Variants in CYB5R4 observed in about 807,000 individuals in gnomAD.
CYB5R4 encodes N-terminal cytochrome b5 and cytochrome b5 oxidoreductase domain-containing protein.
CYB5R4 carries 55 observed loss-of-function variants against 70.2 expected under a neutral mutation model. The observed-to-expected ratio is 0.78, with a 90% CI of 0.63 to 0.98. The LOEUF is 0.98. Among genes scored for constraint, CYB5R4 ranks in the 50% least tolerant of loss-of-function variants. CYB5R4 has a pLI of 0.00. For synonymous variants in CYB5R4, 197 were observed against 199.5 expected, an observed-to-expected ratio of 0.99 and a Z score of 0.11; for missense variants, 562 against 612.6, an observed-to-expected ratio of 0.92 and a Z score of 0.87.
chr6:83,951,212 C>T (rs888025467), intron 14 of CYB5R4, among the ~76,000 whole-genome samples: 1 of 152,168 alleles, frequency 6.6e-6, no homozygotes, highest in African/African-American at 2.4e-5. Flanking sequence ...TGTTATTTGA[C>T]ATAGTGACTA....
At chr6:83,883,832 G>A (rs1014249488) in intron 2 of CYB5R4, among the ~76,000 whole-genome samples, 29 of 152,258 alleles carry the variant, frequency 1.9e-4, no homozygotes, top group African/African-American at 7.0e-4. Flanking sequence ...AAGGATAGGA[G>A]TTAGAGAGCA....
intron 2 of CYB5R4, 102 bp from the exon 3 acceptor site, chr6:83,893,420 A>G (rs2099461433): frequency 3.0e-6 from 2 of 663,680 alleles, no homozygotes; most frequent in African/African-American, 3.7e-5. Context: ...GTGATTAATT[A>G]AATGGAATGT....
chr6:83,940,058 G>T lies in CYB5R4; in HGVS notation c.1111G>T (p.Asp371Tyr). 4 of 1,547,906 alleles carry T rather than the reference G, an allele frequency of 2.6e-6. No homozygotes were observed. The highest frequency in any genetic ancestry group is 3.5e-6 in the Non-Finnish European group (4 of 1,139,708). Residue 371 changes from aspartate (D) to tyrosine (Y), a missense_variant and splice_region_variant, in exon 13 of 16, where the codon GAT (aspartate) becomes TAT (tyrosine). By Grantham distance (160) the Asp-to-Tyr change is radical (BLOSUM62 -3). Coordinates refer to ENST00000369681, the MANE Select transcript of CYB5R4 (RefSeq NM_016230.4). ...TPELDRLQIG[D>Y]FVSVSSPEGN... The stretch of plus-strand genomic sequence containing the variant: ...TTAGCTTATGTTTCATTGTTTAGGA[G>T]ATTTTGTTTCTGTAAGCAGTCCTGA...
intron 2 of CYB5R4, among the ~76,000 whole-genome samples, chr6:83,869,437 G>A (rs76824883): frequency 1.8e-3 from 281 of 152,290 alleles, no homozygotes; most frequent in African/African-American, 6.3e-3. Flanking sequence ...CACACACAGA[G>A]CAGTGAAAAA....
rs552857798 is a variant in CYB5R4 at position 83,859,727 on chromosome 6, G to A, written c.-56G>A. On this transcript the variant is annotated 5_prime_UTR_variant, in exon 1 of 16. Transcript: ENST00000369681. ...GCCCGGCCACAGAGCCGGAGCTGGA[G>A]GTGCTGTCCCGTCTGGCGGCGATCC... 57 of 1,586,304 alleles carry A rather than the reference G, an allele frequency of 3.6e-5. No homozygotes were observed. The highest frequency in any genetic ancestry group is 9.0e-5 in the East Asian group (4 of 44,450).
Position 83,955,326 on chromosome 6 carries a change from C to G in CYB5R4, c.1375C>G (p.Pro459Ala). The change falls in exon 15 of 16, where the codon CCT becomes GCT. Residue 459 changes from proline (P) to alanine (A), a missense_variant. Coordinates refer to ENST00000369681, the MANE Select transcript of CYB5R4 (RefSeq NM_016230.4). The part of the protein sequence containing the change: ...RLDVEFVLSA[P>A]ISEWNGKQGH... ...GGATGTTGAATTTGTTCTCTCAGCA[C>G]CTATTTCTGAATGGAATGGCAAACA... 2 of 1,613,680 alleles carry G rather than the reference C, an allele frequency of 1.2e-6. No individual in the cohort carries two copies. Among genetic ancestry groups the G allele is most frequent in the Non-Finnish European group, 1.7e-6 (2 of 1,179,752 alleles).
chr6:83,925,221 A>G (rs1172788271), intron 10 of CYB5R4, among the ~76,000 whole-genome samples: 1 of 152,098 alleles, frequency 6.6e-6, no homozygotes, highest in African/African-American at 2.4e-5. Flanking sequence ...CTGGAGAAGG[A>G]GGAGGAGAGA....
At chr6:83,890,818 T>A (rs533332145) in intron 2 of CYB5R4, among the ~76,000 whole-genome samples, 26 of 152,310 alleles carry the variant, frequency 1.7e-4, no homozygotes, top group Admixed American at 2.6e-4. Flanking sequence ...CAGCAAAACG[T>A]TTAACTCAGT....
At chr6:83,956,564 G>A (rs1026126222) in intron 15 of CYB5R4, among the ~76,000 whole-genome samples, 1 of 152,114 alleles carries the variant, frequency 6.6e-6, no homozygotes, top group African/African-American at 2.4e-5. Flanking sequence ...AGATGACAAT[G>A]TTTCCTGTTC....
chr6:83,958,678 C>T (rs1370509356), intron 15 of CYB5R4, among the ~76,000 whole-genome samples: 1 of 152,114 alleles, frequency 6.6e-6, no homozygotes, highest in Non-Finnish European at 1.5e-5. Flanking sequence ...CTCCTGTGCC[C>T]TACTGGCCCT....
At chr6:83,935,047 A>G (rs1488719235) in intron 11 of CYB5R4, among the ~76,000 whole-genome samples, 2 of 152,208 alleles carry the variant, frequency 1.3e-5, no homozygotes, top group African/African-American at 4.8e-5. Context: ...GTCCTCCATG[A>G]AGACAACTAC....
rs762103836 is a variant in CYB5R4, at chr6:83,859,817, C to T, written c.35C>T (p.Pro12Leu). 3.1e-6 allele frequency: 5 copies of T among 1,613,460 alleles called. No individual in the cohort carries two copies. The highest frequency in any genetic ancestry group is 4.2e-6 in the Non-Finnish European group (5 of 1,179,856). Residue 12 changes from proline (P) to leucine (L), a missense_variant, in exon 1 of 16, where the codon CCC becomes CTC. Pro to Leu is a moderately conservative substitution (Grantham distance 98, BLOSUM62 -3). Coordinates refer to ENST00000369681, the MANE Select transcript of CYB5R4 (RefSeq NM_016230.4). ...GTCCCTTCCCAGTCTTTCCCGGCCC[C>T]CAGGTCGCAGCAGCGTGTCGCCTCC... ...LNVPSQSFPA[P>L]RSQQRVASGG...
rs1269845751 is a variant in CYB5R4, at chr6:83,960,077, A to G, written c.*199A>G. On this transcript the variant is annotated 3_prime_UTR_variant, in exon 16 of 16. Coordinates refer to ENST00000369681, the MANE Select transcript of CYB5R4 (RefSeq NM_016230.4). Reference sequence around the variant, plus strand: ...TACCACAACTTATTTTACTACTGATATTTGACCTGGAAAGTTAATCATGGC... The same window carrying G: ...TACCACAACTTATTTTACTACTGATGTTTGACCTGGAAAGTTAATCATGGC... 7.3e-6 allele frequency: 3 copies of G among 410,480 alleles called. No individual in the cohort carries two copies. Among genetic ancestry groups the G allele is most frequent in the Non-Finnish European group, 1.3e-5 (3 of 233,286 alleles). The allele number at this position is 410,480 out of a possible 1,614,324, so 25.4% of individuals were successfully genotyped here.
In CYB5R4 at chr6:83,942,079, T is replaced by G. The variant is rs557975916; in HGVS notation, c.1346+1478T>G. 2.0e-5 allele frequency among the ~76,000 whole-genome samples: 3 copies of G among 152,340 alleles called. No individual in the cohort carries two copies. In the South Asian group the frequency reaches 6.2e-4, roughly 32 times the overall value. ...CTCCCTCAGACATTTGAATTGTGGT[T>G]ATAGAGGACCCCTATGTACATGTTT... On this transcript the variant is annotated intron_variant, in intron 14 of 15. Coordinates refer to ENST00000369681, the MANE Select transcript of CYB5R4 (RefSeq NM_016230.4).
At chr6:83,874,851 T>G (rs1445219552) in intron 2 of CYB5R4, among the ~76,000 whole-genome samples, 1 of 151,614 alleles carries the variant, frequency 6.6e-6, no homozygotes, top group Non-Finnish European at 1.5e-5. Flanking sequence ...TTAGATAGAG[T>G]CTCACTCTGT....
chr6:83,889,593 A>G (rs2099460791), intron 2 of CYB5R4, among the ~76,000 whole-genome samples: 1 of 152,178 alleles, frequency 6.6e-6, no homozygotes, highest in African/African-American at 2.4e-5. Flanking sequence ...CTCATTGACA[A>G]TGCAACTGGT....
intron 2 of CYB5R4, among the ~76,000 whole-genome samples, chr6:83,867,414 G>T (rs1398267825): frequency 6.6e-6 from 1 of 152,218 alleles, no homozygotes; most frequent in Non-Finnish European, 1.5e-5. Flanking sequence ...ACTGGGAAAT[G>T]TGTTCCTCAT....
chr6:83,880,370 G>A (rs781515154), intron 2 of CYB5R4, among the ~76,000 whole-genome samples: 1 of 152,100 alleles, frequency 6.6e-6, no homozygotes, highest in Admixed American at 6.5e-5. Context: ...TGCCATCCAG[G>A]TGACTAACAG....
intron 3 of CYB5R4, among the ~76,000 whole-genome samples, chr6:83,902,750 GTTAAAT>G (rs1223357948): frequency 4.6e-5 from 7 of 151,922 alleles, no homozygotes; most frequent in Admixed American, 4.6e-4. Flanking sequence ...CATCTCTTTG[GTTAAAT>G]TTATCTGTAG....
Sources: gnomAD v4.1 joint callset for allele counts (sites outside exome capture counted in the v4.1 genomes callset) on GRCh38, gnomAD v4.1.1 for gene constraint, MANE v1.5 for transcripts, NCBI Gene and HGNC (gene_info 2026-07-23, HGNC 2026-07-21) for gene names.